The following ZNF609 variants were observed in gnomAD, a reference collection of about 807,000 sequenced individuals.
The protein encoded by ZNF609 is zinc finger protein 609.
Under a neutral mutation model 109.5 loss-of-function variants are expected in ZNF609, and 11 were observed. The observed-to-expected ratio is 0.10, with a 90% confidence interval of 0.06 to 0.17. The LOEUF is 0.17. Among genes scored for constraint, ZNF609 ranks in the 10% least tolerant of loss-of-function variants. The probability of loss-of-function intolerance (pLI) is 1.00; values close to 1 mark genes in which losing one functional copy is unlikely to be tolerated. For synonymous variants in ZNF609, 646 were observed against 662.0 expected, an observed-to-expected ratio of 0.98 and a Z score of 0.37; for missense variants, 1,559 against 1,772.4, an observed-to-expected ratio of 0.88 and a Z score of 2.16.
chr15:64,540,776 T>A (rs1474994476), intron 2 of ZNF609, among the ~76,000 whole-genome samples: 1 of 147,726 alleles, frequency 6.8e-6, no homozygotes, highest in Non-Finnish European at 1.5e-5. Flanking sequence ...ACGCCTGTAA[T>A]CCCAGCACTT....
In ZNF609 at chr15:64,675,092, C is replaced by A; in HGVS notation, c.2238C>A (p.Thr746=). 1 of 1,614,102 alleles carries A rather than the reference C, an allele frequency of 6.2e-7. No homozygotes were observed. The highest frequency in any genetic ancestry group is 8.5e-7 in the Non-Finnish European group (1 of 1,180,026). The part of the protein sequence containing the change: ...ESSKELESPL[T]PGKVCRAEEG... ...CAAAGGAACTTGAAAGTCCTCTGACCCCTGGGAAGGTGTGTCGAGCAGAGG... is the reference window on the plus strand; with the variant it reads ...CAAAGGAACTTGAAAGTCCTCTGACACCTGGGAAGGTGTGTCGAGCAGAGG... The change falls in exon 5 of 10, where the codon ACC becomes ACA. Residue 746 remains threonine, a synonymous_variant. Transcript: ENST00000326648.
At chr15:64,665,371 G>A (rs888540823) in intron 3 of ZNF609, among the ~76,000 whole-genome samples, 31 of 152,258 alleles carry the variant, frequency 2.0e-4, no homozygotes, top group Non-Finnish European at 4.1e-4. Flanking sequence ...ATCCTTTCTG[G>A]TGTATCATTT....
intron 1 of ZNF609, among the ~76,000 whole-genome samples, chr15:64,485,767 T>C (rs926530829): frequency 1.3e-5 from 2 of 152,196 alleles, no homozygotes; most frequent in Admixed American, 1.3e-4. Context: ...GCCACTGTAC[T>C]CTAGCCTGGC....
At chr15:64,470,400 A>G (rs1389863908) in intron 1 of ZNF609, 1 of 152,106 alleles carries the variant, frequency 6.6e-6, no homozygotes, top group Non-Finnish European at 1.5e-5. Flanking sequence ...TTGCCGAAGT[A>G]TGACGAACAA....
chr15:64,652,684 G>C (rs1896436463), intron 3 of ZNF609, among the ~76,000 whole-genome samples: 1 of 152,046 alleles, frequency 6.6e-6, no homozygotes, highest in Non-Finnish European at 1.5e-5. Flanking sequence ...CACTATGCCT[G>C]GCCAACACTT....
intron 2 of ZNF609, among the ~76,000 whole-genome samples, chr15:64,570,859 C>T (rs1894849693): frequency 6.6e-6 from 1 of 152,064 alleles, no homozygotes; most frequent in Admixed American, 6.6e-5. Flanking sequence ...AACCTCGTCT[C>T]TACTAAAAAT....
chr15:64,654,697 A>G (rs569816584), intron 3 of ZNF609, among the ~76,000 whole-genome samples: 2 of 152,322 alleles, frequency 1.3e-5, no homozygotes, highest in African/African-American at 4.8e-5. Context: ...ATAGCCCCTT[A>G]CTACAGATAG....
intron 3 of ZNF609, among the ~76,000 whole-genome samples, chr15:64,644,872 T>C (rs936315883): frequency 6.6e-6 from 1 of 152,244 alleles, no homozygotes; most frequent in Non-Finnish European, 1.5e-5. Flanking sequence ...AAACAGACTT[T>C]GTTAGCTACC....
chr15:64,500,005 G>A lies in ZNF609; in HGVS notation c.586G>A (p.Gly196Ser). 1 of 1,614,144 alleles carries A rather than the reference G, an allele frequency of 6.2e-7. No homozygotes were observed. Residue 196 changes from glycine (G) to serine (S), a missense_variant, in exon 2 of 10, where the codon GGT becomes AGT. Physicochemically the swap from Gly to Ser is moderately conservative, Grantham distance 56. Around this residue, in one of 4 missense-constraint regions of ZNF609, gnomAD observed 291 missense variants for 317.8 expected, o/e 0.92. Transcript: ENST00000326648. ...GCCAGTTCCCTTGGGAGGACGGGGT[G>A]GTCAGTATGATGGAAGTGCAGGGGT... is the stretch of plus-strand genomic sequence containing the variant. ...LQPVPLGGRG[G>S]QYDGSAGVDT...
chr15:64,661,331 A>G (rs1896572895), intron 3 of ZNF609, among the ~76,000 whole-genome samples: 1 of 152,206 alleles, frequency 6.6e-6, no homozygotes. Flanking sequence ...TCTGAATGTA[A>G]GAGCAGAGAC....
At chr15:64,537,268 C>T (rs1219656783) in intron 2 of ZNF609, among the ~76,000 whole-genome samples, 3 of 151,314 alleles carry the variant, frequency 2.0e-5, no homozygotes, top group African/African-American at 7.3e-5. Context: ...GAGGCCGAAG[C>T]GGGTGGATCA....
At chr15:64,575,841 G>T (rs1254671557) in intron 2 of ZNF609, among the ~76,000 whole-genome samples, 1 of 152,126 alleles carries the variant, frequency 6.6e-6, no homozygotes, top group South Asian at 2.1e-4. Context: ...GGTGGCTCAC[G>T]CCTGTAATCC....
intron 7 of ZNF609, 56 bp from the exon 8 acceptor site, chr15:64,680,590 G>GT: frequency 1.3e-5 from 16 of 1,233,878 alleles, no homozygotes; most frequent in East Asian, 2.3e-5. Flanking sequence ...TGTGTGTGTG[G>GT]TTGTATGCAT....
At chr15:64,543,347 G>A (rs1214298344) in intron 2 of ZNF609, among the ~76,000 whole-genome samples, 3 of 148,322 alleles carry the variant, frequency 2.0e-5, no homozygotes, top group Non-Finnish European at 4.5e-5. Context: ...ATGCCATGGG[G>A]GTTCATACTT....
intron 2 of ZNF609, among the ~76,000 whole-genome samples, chr15:64,545,944 T>C (rs960409662): frequency 6.6e-6 from 1 of 152,220 alleles, no homozygotes; most frequent in Non-Finnish European, 1.5e-5. Flanking sequence ...CTGGCTATTA[T>C]AAATAAAGGT....
In ZNF609 at chr15:64,574,513, G is replaced by T. The variant is rs373717518; in HGVS notation, c.748-48314G>T. On this transcript the variant is annotated intron_variant, in intron 2 of 9. Coordinates refer to ENST00000326648, the MANE Select transcript of ZNF609 (RefSeq NM_015042.2). ...TTGTCTTTCACTCTTTCTTCCCTTT[G>T]TTGGTGGCTACAGGCAAGTATATGA... 7.2e-5 allele frequency among the ~76,000 whole-genome samples: 11 copies of T among 152,210 alleles called. No homozygotes were observed. The South Asian group carries it at 2.3e-3, about 32-fold the overall frequency.
chr15:64,636,750 T>C (rs1372046237), intron 3 of ZNF609, among the ~76,000 whole-genome samples: 1 of 152,192 alleles, frequency 6.6e-6, no homozygotes, highest in Non-Finnish European at 1.5e-5. Flanking sequence ...ACTAGACTAG[T>C]CTTCTGCCCT....
chr15:64,558,114 A>T lies in ZNF609; in HGVS notation c.747+57948A>T, dbSNP rs572497885. 2.0e-5 allele frequency among the ~76,000 whole-genome samples: 3 copies of T among 152,308 alleles called. No individual in the cohort carries two copies. In the East Asian group the frequency reaches 5.8e-4, roughly 29 times the overall value. ...TCAAGGTGTAAGTAGCCCCAGCTTA[A>T]TATAGTTTCTCATAAATTTTCATTC... is the stretch of plus-strand genomic sequence containing the variant. On this transcript the variant is annotated intron_variant, in intron 2 of 9. Transcript: ENST00000326648.
At position 64,484,703 on chromosome 15, in the gene ZNF609, C is replaced by T. The variant is rs532496867; in HGVS notation, c.-127-14590C>T. Reference sequence around the variant, plus strand: ...AAAAAAAAAAAAAAAAAGCTGGATGCGGTGGCTTATGCCTGTAATCCCAGC... The same window carrying T: ...AAAAAAAAAAAAAAAAAGCTGGATGTGGTGGCTTATGCCTGTAATCCCAGC... On this transcript the variant is annotated intron_variant, in intron 1 of 9. Coordinates refer to ENST00000326648, the MANE Select transcript of ZNF609 (RefSeq NM_015042.2). Among the ~76,000 whole-genome samples, 446 of 129,740 alleles carry T rather than the reference C, an allele frequency of 3.4e-3. 4 individuals are homozygous for T. Among genetic ancestry groups the T allele is most frequent in the Non-Finnish European group, 3.9e-3 (247 of 63,316 alleles). The allele number at this position is 129,740 out of a possible 152,430, so 85.1% of individuals were successfully genotyped here.
Sources: allele counts gnomAD v4.1 joint callset (sites outside exome capture counted in the v4.1 genomes callset), GRCh38; gene constraint gnomAD v4.1.1; regional missense constraint gnomAD v4.1.1; transcripts MANE v1.5; gene names NCBI Gene and HGNC (gene_info 2026-07-23, HGNC 2026-07-21).